The following TRIM5 variants were observed in gnomAD, a reference collection of about 807,000 sequenced individuals.
The protein encoded by TRIM5 is tripartite motif-containing protein 5.
A neutral mutation model predicts 35.6 loss-of-function variants in TRIM5; 31 were observed. That is an observed-to-expected ratio of 0.87 (90% CI 0.65 to 1.18). The LOEUF (loss-of-function observed/expected upper bound fraction) is 1.18. Ranked by LOEUF, TRIM5 falls within the 50% of genes most tolerant of loss-of-function variation. TRIM5 has a pLI of 0.00. For synonymous variants in TRIM5, 243 were observed against 215.6 expected, an observed-to-expected ratio of 1.13 and a Z score of -1.11; for missense variants, 609 against 591.6, an observed-to-expected ratio of 1.03 and a Z score of -0.31.
chr11:5,682,915 C>G (rs1166127773), intron 1 of TRIM5, among the ~76,000 whole-genome samples: 1 of 152,246 alleles, frequency 6.6e-6, no homozygotes, highest in Non-Finnish European at 1.5e-5. Flanking sequence ...AAGGCCGGAG[C>G]TGGCTCCCTC....
At chr11:5,641,196 A>G in the TRIM5 span, 8 of 1,613,598 alleles carry the variant, frequency 5.0e-6, no homozygotes, top group Non-Finnish European at 4.2e-6. Context: ...AATGGTGCGT[A>G]TGGGTGGCCA....
chr11:5,632,889 T>G, the TRIM5 span: 7 of 1,217,576 alleles, frequency 5.7e-6, no homozygotes, highest in Middle Eastern at 3.1e-4. Flanking sequence ...TGCAGTGGCG[T>G]GCTCTCGGCT....
At chr11:5,603,534 G>A in the TRIM5 span, 2 of 1,614,088 alleles carry the variant, frequency 1.2e-6, no homozygotes, top group Non-Finnish European at 1.7e-6. Flanking sequence ...ATCGGCATCT[G>A]GCCAACATAG....
chr11:5,634,829 C>G, the TRIM5 span: 1 of 1,613,098 alleles, frequency 6.2e-7, no homozygotes. Flanking sequence ...TGTGGAGTGT[C>G]GGAGTCAGTG....
the TRIM5 span, among the ~76,000 whole-genome samples, chr11:5,616,010 G>A: frequency 6.7e-6 from 1 of 148,588 alleles, no homozygotes; most frequent in African/African-American, 2.5e-5. Flanking sequence ...GAGTGACGTG[G>A]CGCGATCTCG....
the TRIM5 span, among the ~76,000 whole-genome samples, chr11:5,629,121 C>T: frequency 6.6e-6 from 1 of 151,920 alleles, no homozygotes; most frequent in Non-Finnish European, 1.5e-5. Context: ...TACTAAAAAT[C>T]TAAAAATTAG....
chr11:5,619,736 A>C, the TRIM5 span: 4 of 106,092 alleles, frequency 3.8e-5, no homozygotes, highest in South Asian at 3.3e-4. Flanking sequence ...ACTGAGCCTC[A>C]CTCTGTTGCC....
At chr11:5,608,405 G>A in the TRIM5 span, 1 of 1,613,554 alleles carries the variant, frequency 6.2e-7, no homozygotes, top group Non-Finnish European at 8.5e-7. Flanking sequence ...GTATGTGTAA[G>A]GAGAACATGA....
the TRIM5 span, among the ~76,000 whole-genome samples, chr11:5,630,642 C>T: frequency 1.8e-4 from 27 of 152,298 alleles, no homozygotes; most frequent in Non-Finnish European, 3.5e-4. Context: ...GTATTCCTTT[C>T]TCATTATTCA....
intron 5 of TRIM5, among the ~76,000 whole-genome samples, chr11:5,667,145 C>T (rs749964098): frequency 6.6e-6 from 1 of 152,160 alleles, no homozygotes; most frequent in Non-Finnish European, 1.5e-5. Flanking sequence ...TCCGAGTCTC[C>T]ACCACCCAAA....
chr11:5,679,901 C>A lies in TRIM5; in HGVS notation c.277G>T (p.Asp93Tyr), dbSNP rs775487252. ...VKLSPEGQKV[D>Y]HCARHGEKLL... Reference sequence around the variant, plus strand: ...TTCTCTCCATGGCGTGCACAATGATCAACTTTCTGCCCCTCTGGGCTCAAC... The same window carrying A: ...TTCTCTCCATGGCGTGCACAATGATAAACTTTCTGCCCCTCTGGGCTCAAC... The change falls in exon 2 of 8, where the codon GAT becomes TAT. Residue 93 changes from aspartate to tyrosine, a missense_variant. Transcript: ENST00000380034. 3 of 1,614,022 alleles carry A rather than the reference C, an allele frequency of 1.9e-6. No homozygotes were observed. Among genetic ancestry groups the A allele is most frequent in the South Asian group, 2.2e-5 (2 of 91,062 alleles).
chr11:5,630,039 G>A, the TRIM5 span, among the ~76,000 whole-genome samples: 2 of 152,072 alleles, frequency 1.3e-5, no homozygotes, highest in Admixed American at 6.5e-5. Flanking sequence ...ACAAGACCAT[G>A]TGACCATGTG....
At chr11:5,662,468 C>T (rs917744966), downstream of TRIM5, among the ~76,000 whole-genome samples, 1 of 152,096 alleles carries the variant, frequency 6.6e-6, no homozygotes, top group Non-Finnish European at 1.5e-5. Flanking sequence ...TCAGGCTAAC[C>T]TGGGCTCACA....
In TRIM5 at chr11:5,679,949, C is replaced by T; in HGVS notation, c.229G>A (p.Val77Met). 1.9e-6 allele frequency: 3 copies of T among 1,614,092 alleles called. 1 individual carries two copies. In the South Asian group the frequency reaches 3.3e-5, roughly 18 times the overall value. The stretch of plus-strand genomic sequence containing the variant: ...AACTTGACCTCCCTGAGCTTCTCCA[C>T]TATGTTGGCTACATGCCGATTAGGC... ...IRPNRHVANI[V>M]EKLREVKLSP... is the part of the protein sequence containing the mutation. Residue 77 changes from valine to methionine, a missense_variant, in exon 2 of 8, where the codon GTG (valine) becomes ATG (methionine). Physicochemically the swap from Val to Met is conservative, Grantham distance 21. Transcript: ENST00000380034.
At chr11:5,610,163 G>C in the TRIM5 span, 1 of 1,614,134 alleles carries the variant, frequency 6.2e-7, no homozygotes, top group Non-Finnish European at 8.5e-7. Context: ...TCTGGACCCT[G>C]AGGAAGCCAG....
rs746009405 is a variant in TRIM5, at chr11:5,665,368, A to G, written c.923T>C (p.Ile308Thr). 2 of 1,612,192 alleles carry G rather than the reference A, an allele frequency of 1.2e-6. No individual in the cohort carries two copies. The highest frequency in any genetic ancestry group is 1.7e-5 in the Admixed American group (1 of 59,764). ...WVDVTVAPNNISCAVISEDKR... is the reference protein window; with the variant it reads ...WVDVTVAPNNTSCAVISEDKR... Reference sequence around the variant, plus strand: ...ATCTTCAGAAATGACAGCACATGAAATGTTGTTTGGAGCCACTGTCACATC... The same window carrying G: ...ATCTTCAGAAATGACAGCACATGAAGTGTTGTTTGGAGCCACTGTCACATC... Residue 308 changes from isoleucine to threonine, a missense_variant, in exon 8 of 8, where the codon ATT becomes ACT. Physicochemically the swap from Ile to Thr is moderately conservative, Grantham distance 89 (BLOSUM62 -1). Transcript: ENST00000380034.
the TRIM5 span, among the ~76,000 whole-genome samples, chr11:5,608,955 G>C: frequency 7.0e-6 from 1 of 142,682 alleles, no homozygotes; most frequent in South Asian, 2.2e-4. Flanking sequence ...AATTTTATCA[G>C]AGTGACATTC....
the TRIM5 span, among the ~76,000 whole-genome samples, chr11:5,632,024 C>T: frequency 2.0e-5 from 3 of 152,236 alleles, no homozygotes; most frequent in South Asian, 2.1e-4. Context: ...AAAGTATAAA[C>T]GAAAGTCATG....
chr11:5,639,678 T>TAAAAAA, the TRIM5 span, among the ~76,000 whole-genome samples: 1 of 16,736 alleles, frequency 6.0e-5, no homozygotes, highest in Admixed American at 5.9e-4. Context: ...AGACTCTATT[T>TAAAAAA]CAAAAAAAAA....
Sources: allele counts gnomAD v4.1 joint callset (sites outside exome capture counted in the v4.1 genomes callset), GRCh38; gene constraint gnomAD v4.1.1; transcripts MANE v1.5; gene names NCBI Gene and HGNC (gene_info 2026-07-23, HGNC 2026-07-21).